RYR2: variants seen among roughly 807,000 people sequenced by gnomAD.
RYR2 encodes ryanodine receptor 2.
Under a neutral mutation model 601.1 loss-of-function variants are expected in RYR2, and 227 were observed. That is an observed-to-expected ratio of 0.38 (90% CI 0.34 to 0.42). RYR2 has a LOEUF of 0.42. Among genes scored for constraint, RYR2 ranks in the 10% least tolerant of loss-of-function variants. The pLI, the probability that RYR2 is intolerant of heterozygous loss-of-function variation, is 1.00. For missense variants in RYR2, 4,646 were observed against 6,156.5 expected (o/e 0.75, Z 8.21); for synonymous variants, 2,223 against 2,175.1 (o/e 1.02, Z -0.61).
At chr1:237,584,938 G>A (rs192914717) in intron 29 of RYR2, among the ~76,000 whole-genome samples, 205 of 151,360 alleles carry the variant, frequency 1.4e-3, no homozygotes, top group Non-Finnish European at 2.4e-3. Context: ...TCAGGGTCTC[G>A]CCATGTTGCC....
chr1:237,333,489 G>T, intron 3 of RYR2: 1 of 390,382 alleles, frequency 2.6e-6, no homozygotes, highest in Non-Finnish European at 5.1e-6. Context: ...AGCAACGGGG[G>T]GTGTCCTGGA....
At chr1:237,582,824 A>G (rs1042932223) in intron 29 of RYR2, among the ~76,000 whole-genome samples, 2 of 151,958 alleles carry the variant, frequency 1.3e-5, no homozygotes, top group Admixed American at 1.3e-4. Context: ...GTTGATGGGC[A>G]CTGAGGTTGA....
At chr1:237,483,198 C>T (rs74147290) in intron 17 of RYR2, among the ~76,000 whole-genome samples, 2,150 of 152,270 alleles carry the variant, frequency 0.014, 56 homozygotes, top group African/African-American at 0.049. Flanking sequence ...CAGTGTTGTC[C>T]ATTCAGCATT....
chr1:237,043,960 C>G (rs1355447795), intron 1 of RYR2, among the ~76,000 whole-genome samples: 1 of 152,162 alleles, frequency 6.6e-6, no homozygotes, highest in Non-Finnish European at 1.5e-5. Context: ...ATTAAACGGA[C>G]TGGGAGAAAG....
intron 100 of RYR2, among the ~76,000 whole-genome samples, chr1:237,810,533 A>T (rs1233050256): frequency 6.6e-6 from 1 of 152,224 alleles, no homozygotes; most frequent in Non-Finnish European, 1.5e-5. Flanking sequence ...GGTTGAATTG[A>T]CAACAATTTT....
At chr1:237,479,431 C>T (rs76814342) in intron 17 of RYR2, among the ~76,000 whole-genome samples, 3,280 of 152,240 alleles carry the variant, frequency 0.022, 58 homozygotes, top group Non-Finnish European at 0.034. Context: ...GGGAATGATG[C>T]GCTTGGTTTG....
At position 237,590,791 on chromosome 1, in the gene RYR2, G is replaced by A. The variant is rs1675070217; in HGVS notation, c.3959G>A (p.Gly1320Glu). Residue 1320 changes from glycine to glutamate, a missense_variant, in exon 31 of 105, where the codon GGA becomes GAA. Physicochemically the swap from Gly to Glu is moderately conservative, Grantham distance 98. Around this residue, in one of 17 missense-constraint regions of RYR2, gnomAD observed 1,807 missense variants for 2,088.1 expected, o/e 0.87. Coordinates refer to ENST00000366574, the MANE Select transcript of RYR2 (RefSeq NM_001035.3). Reference sequence around the variant, plus strand: ...GAGGTCTTCTCCAAGACGGTGGCTGGAGGGCTCCCTGGGGCTGGCCTTTTT... The same window carrying A: ...GAGGTCTTCTCCAAGACGGTGGCTGAAGGGCTCCCTGGGGCTGGCCTTTTT... Reference protein sequence around the residue: ...CAEVFSKTVAGGLPGAGLFGP... With the variant: ...CAEVFSKTVAEGLPGAGLFGP... 3 of 1,613,790 alleles carry A rather than the reference G, an allele frequency of 1.9e-6. No individual in the cohort carries two copies. Among genetic ancestry groups the A allele is most frequent in the Non-Finnish European group, 2.5e-6 (3 of 1,179,868 alleles).
intron 17 of RYR2, among the ~76,000 whole-genome samples, chr1:237,478,087 G>A (rs1332222155): frequency 2.0e-5 from 3 of 149,920 alleles, no homozygotes; most frequent in Non-Finnish European, 4.4e-5. Flanking sequence ...TGGGCAATAG[G>A]GCCTGTTCCA....
chr1:237,055,476 G>A (rs559392980), intron 1 of RYR2, among the ~76,000 whole-genome samples: 2 of 152,132 alleles, frequency 1.3e-5, no homozygotes, highest in East Asian at 1.9e-4. Context: ...AAGATAATTC[G>A]GGCCTAAATT....
intron 1 of RYR2, among the ~76,000 whole-genome samples, chr1:237,043,277 A>G (rs1474795229): frequency 2.0e-5 from 3 of 151,634 alleles, no homozygotes; most frequent in African/African-American, 7.3e-5. Context: ...AAGGCATGGG[A>G]AGCGAGCGTG....
intron 29 of RYR2, among the ~76,000 whole-genome samples, chr1:237,580,509 A>C (rs1260206588): frequency 6.6e-6 from 1 of 151,810 alleles, no homozygotes; most frequent in African/African-American, 2.4e-5. Flanking sequence ...AGGGGTAATG[A>C]AATGAATTTC....
chr1:237,354,837 TC>T (rs1228016408), intron 3 of RYR2, among the ~76,000 whole-genome samples: 2 of 152,172 alleles, frequency 1.3e-5, no homozygotes, highest in Non-Finnish European at 2.9e-5. Context: ...AACAGATTTT[TC>T]TGAAAACTAA....
rs1163440402 is a variant in RYR2, at chr1:237,833,941, G to C, written c.*1294G>C. The stretch of plus-strand genomic sequence containing the variant: ...GAGCTCTTTTATTACAAGTCTGCTT[G>C]TTAATTTTAGAACTGTAAAACCGCT... On this transcript the variant is annotated 3_prime_UTR_variant, in exon 105 of 105. Transcript: ENST00000366574. The C allele has an allele frequency of 6.6e-6, 1 of 152,372 alleles. No homozygotes were observed. The highest frequency in any genetic ancestry group is 1.5e-5 in the Non-Finnish European group (1 of 68,026). The allele number at this position is 152,372 out of a possible 1,614,324, so 9.4% of individuals were successfully genotyped here.
intron 63 of RYR2, among the ~76,000 whole-genome samples, chr1:237,691,014 T>C (rs762068733): frequency 1.6e-4 from 25 of 152,226 alleles, no homozygotes; most frequent in Non-Finnish European, 2.5e-4. Context: ...CTATTCTTTT[T>C]CAGTCTACTT....
At chr1:237,067,935 A>G (rs1218896266) in intron 1 of RYR2, among the ~76,000 whole-genome samples, 1 of 151,886 alleles carries the variant, frequency 6.6e-6, no homozygotes, top group African/African-American at 2.4e-5. Flanking sequence ...CCTCCATTGC[A>G]TTGTACTATA....
chr1:237,746,535 A>G (rs915173359), intron 80 of RYR2, among the ~76,000 whole-genome samples: 7 of 151,748 alleles, frequency 4.6e-5, no homozygotes, highest in African/African-American at 1.4e-4. Flanking sequence ...TTCTTCCATC[A>G]TATATATATA....
chr1:237,355,368 C>A (rs1571953105), intron 3 of RYR2, among the ~76,000 whole-genome samples: 1 of 152,058 alleles, frequency 6.6e-6, no homozygotes, highest in South Asian at 2.1e-4. Context: ...TGATTATAGT[C>A]ACTTAAGTTT....
At chr1:237,240,848 A>G (rs558663638) in intron 1 of RYR2, among the ~76,000 whole-genome samples, 8 of 152,276 alleles carry the variant, frequency 5.3e-5, no homozygotes, top group Middle Eastern at 3.4e-3. Context: ...TGCTTAGGAT[A>G]GAAAAACATT....
chr1:237,791,222 G>A (rs1003853156), intron 92 of RYR2, among the ~76,000 whole-genome samples: 11 of 152,106 alleles, frequency 7.2e-5, no homozygotes, highest in Non-Finnish European at 1.3e-4. Context: ...TTTTTCACTT[G>A]CGGGTATGCT....
Sources: allele counts gnomAD v4.1 joint callset (sites outside exome capture counted in the v4.1 genomes callset), GRCh38; gene constraint gnomAD v4.1.1; regional missense constraint gnomAD v4.1.1; transcripts MANE v1.5; gene names NCBI Gene and HGNC (gene_info 2026-07-23, HGNC 2026-07-21).